Variants in TNR observed in about 807,000 individuals in gnomAD.
TNR encodes tenascin R.
A neutral mutation model predicts 150.4 loss-of-function variants in TNR; 45 were observed. That is an observed-to-expected ratio of 0.30 (90% confidence interval 0.24 to 0.38). The LOEUF (loss-of-function observed/expected upper bound fraction) is 0.38, where lower values mean the gene tolerates loss of function less well. TNR is among the 10% of genes least tolerant of loss of function. TNR has a pLI of 1.00. For synonymous variants in TNR, 687 were observed against 678.4 expected (o/e 1.01, Z -0.20); for missense variants, 1,544 against 1,759.1 (o/e 0.88, Z 2.19).
At chr1:175,527,466 G>A (rs1455671781) in intron 2 of TNR, among the ~76,000 whole-genome samples, 8 of 152,060 alleles carry the variant, frequency 5.3e-5, no homozygotes, top group South Asian at 2.1e-4. Context: ...ATGAGCTCCC[G>A]AACAAACTTT....
chr1:175,466,025 C>T (rs954794630), intron 2 of TNR, among the ~76,000 whole-genome samples: 1 of 152,200 alleles, frequency 6.6e-6, no homozygotes, highest in Non-Finnish European at 1.5e-5. Context: ...GTCTCTTGAA[C>T]TTGCTGTGTG....
rs549568037 is a variant in TNR at position 175,643,073 on chromosome 1, T to C, written c.-165+100153A>G. ...ACGTTAATAGAATTTTATAATCTATTGGGTGAGAGGTGAAGGAAACAATGA... is the reference window on the plus strand; with the variant it reads ...ACGTTAATAGAATTTTATAATCTATCGGGTGAGAGGTGAAGGAAACAATGA... On this transcript the variant is annotated intron_variant, in intron 1 of 22. Transcript: ENST00000367674. Among the ~76,000 whole-genome samples, 122 of 152,332 alleles carry C rather than the reference T, an allele frequency of 8.0e-4. 1 individual carries two copies. Among genetic ancestry groups the C allele is most frequent in the African/African-American group, 2.8e-3 (115 of 41,568 alleles).
At chr1:175,448,233 T>G (rs1656146915) in intron 2 of TNR, among the ~76,000 whole-genome samples, 1 of 152,178 alleles carries the variant, frequency 6.6e-6, no homozygotes, top group African/African-American at 2.4e-5. Flanking sequence ...TTTTTATTTT[T>G]TTGAGATGGA....
intron 2 of TNR, among the ~76,000 whole-genome samples, chr1:175,474,914 T>A (rs1341461529): frequency 6.6e-6 from 1 of 152,250 alleles, no homozygotes; most frequent in Non-Finnish European, 1.5e-5. Flanking sequence ...GTGACCTCTC[T>A]GACTTCATCA....
At chr1:175,659,759 C>T (rs941482224) in intron 1 of TNR, among the ~76,000 whole-genome samples, 1 of 152,140 alleles carries the variant, frequency 6.6e-6, no homozygotes, top group African/African-American at 2.4e-5. Context: ...GAGGACTGCT[C>T]ACAGAGACCA....
chr1:175,493,450 A>G (rs1557967543), intron 2 of TNR, among the ~76,000 whole-genome samples: 1 of 152,220 alleles, frequency 6.6e-6, no homozygotes, highest in Non-Finnish European at 1.5e-5. Flanking sequence ...CCACTAGAAG[A>G]GACCAGGGCG....
intron 1 of TNR, among the ~76,000 whole-genome samples, chr1:175,661,507 A>G (rs1159650270): frequency 3.3e-5 from 5 of 152,042 alleles, no homozygotes; most frequent in African/African-American, 1.2e-4. Context: ...GCCTTGAGAG[A>G]AAAGGGTTTC....
intron 2 of TNR, among the ~76,000 whole-genome samples, chr1:175,460,896 C>T (rs1027680400): frequency 6.6e-6 from 1 of 152,190 alleles, no homozygotes; most frequent in Admixed American, 6.5e-5. Context: ...CACATACATG[C>T]ACCCACACAC....
At chr1:175,667,500 A>G (rs756399363) in intron 1 of TNR, among the ~76,000 whole-genome samples, 1 of 152,252 alleles carries the variant, frequency 6.6e-6, no homozygotes, top group Non-Finnish European at 1.5e-5. Flanking sequence ...GAATTATGCC[A>G]TATGCTGGGG....
At chr1:175,683,988 G>A (rs1261088311) in intron 1 of TNR, among the ~76,000 whole-genome samples, 2 of 152,170 alleles carry the variant, frequency 1.3e-5, no homozygotes, top group Admixed American at 6.5e-5. Flanking sequence ...CCTGCTCCGG[G>A]AGCTGGGAGA....
chr1:175,689,785 C>T (rs763779465), intron 1 of TNR, among the ~76,000 whole-genome samples: 9 of 152,282 alleles, frequency 5.9e-5, no homozygotes, highest in African/African-American at 1.4e-4. Context: ...CTGCAGGCTG[C>T]GTTTTCTCTC....
chr1:175,591,821 C>T (rs1264215285), intron 1 of TNR, among the ~76,000 whole-genome samples: 2 of 152,150 alleles, frequency 1.3e-5, no homozygotes, highest in Admixed American at 6.5e-5. Flanking sequence ...ATGTGACTTG[C>T]TTTGGACAAG....
chr1:175,459,108 T>C (rs1311426995), intron 2 of TNR, among the ~76,000 whole-genome samples: 1 of 150,164 alleles, frequency 6.7e-6, no homozygotes, highest in African/African-American at 2.5e-5. Context: ...ACCAATATTA[T>C]TACCATCACC....
chr1:175,532,472 T>C (rs988312059), intron 1 of TNR, among the ~76,000 whole-genome samples: 28 of 152,218 alleles, frequency 1.8e-4, no homozygotes, highest in African/African-American at 6.8e-4. Flanking sequence ...CAAATGTGAA[T>C]GTTTCTTAGA....
At chr1:175,543,925 G>A (rs928297296) in intron 1 of TNR, among the ~76,000 whole-genome samples, 6 of 152,050 alleles carry the variant, frequency 3.9e-5, no homozygotes, top group African/African-American at 7.3e-5. Flanking sequence ...AAAAAAAAGA[G>A]CATTTGGGCA....
intron 1 of TNR, among the ~76,000 whole-genome samples, chr1:175,683,092 T>C (rs1459778530): frequency 6.6e-6 from 1 of 151,950 alleles, no homozygotes; most frequent in African/African-American, 2.4e-5. Context: ...TCTTCCTGCT[T>C]CCCCTTTTCT....
At chr1:175,406,091 A>T (rs1458462818) in intron 3 of TNR, 125 bp downstream of exon 3, 2 of 1,302,684 alleles carry the variant, frequency 1.5e-6, no homozygotes, top group Non-Finnish European at 2.1e-6. Context: ...GTGTGAAGAG[A>T]TGCCGGGGTT....
intron 21 of TNR, among the ~76,000 whole-genome samples, chr1:175,328,347 G>A (rs1275194887): frequency 6.6e-6 from 1 of 152,198 alleles, no homozygotes; most frequent in African/African-American, 2.4e-5. Context: ...AGATTTGAAT[G>A]TTTGCAGCCT....
chr1:175,429,671 A>G (rs901164222), intron 2 of TNR, among the ~76,000 whole-genome samples: 1 of 152,256 alleles, frequency 6.6e-6, no homozygotes, highest in Non-Finnish European at 1.5e-5. Context: ...ACTCTTTGTA[A>G]AGTGCTTCCC....
Sources: allele counts gnomAD v4.1 joint callset (sites outside exome capture counted in the v4.1 genomes callset), GRCh38; gene constraint gnomAD v4.1.1; transcripts MANE v1.5; gene names NCBI Gene and HGNC (gene_info 2026-07-23, HGNC 2026-07-21).